RGMA: variants seen among roughly 807,000 people sequenced by gnomAD.
RGMA encodes the protein repulsive guidance molecule A.
A neutral mutation model predicts 23.2 loss-of-function variants in RGMA; 10 were observed. The ratio of observed to expected loss-of-function variants is 0.43; its 90% confidence interval spans 0.27 to 0.73. RGMA has a LOEUF of 0.73. Ranked by LOEUF, RGMA falls within the 30% of genes least tolerant of loss-of-function variation. The pLI, the probability that RGMA is intolerant of heterozygous loss-of-function variation, is 0.20. For synonymous variants in RGMA, 308 were observed against 279.3 expected (o/e 1.10, Z -1.03); for missense variants, 547 against 630.5 (o/e 0.87, Z 1.42).
rs370807777 is a variant in RGMA, at chr15:93,045,172, G to T, written c.1179C>A (p.Ala393=). ...TGACATCCTCCAACGCGTAGTAGGC[G>T]GCCAGTGTGAAGTTCACGTCGCCCG... The part of the protein sequence containing the change: ...LTTGDVNFTL[A]AYYALEDVKM... The change falls in exon 4 of 4, where the codon GCC becomes GCA. Residue 393 remains alanine, a synonymous_variant. Transcript: ENST00000329082. This position sits in a 1 kb window ranked among gnomAD's most constrained non-coding sequence, Gnocchi z 6.9. 1 of 1,608,256 alleles carries T rather than the reference G, an allele frequency of 6.2e-7. No homozygotes were observed. The highest frequency in any genetic ancestry group is 1.3e-5 in the African/African-American group (1 of 74,844).
chr15:93,078,079 G>A (rs966635810), intron 1 of RGMA, among the ~76,000 whole-genome samples: 1 of 152,088 alleles, frequency 6.6e-6, no homozygotes, highest in Non-Finnish European at 1.5e-5. Flanking sequence ...CTTTATTTAG[G>A]CTAAGCCTCC....
chr15:93,048,344 G>A (rs369632958), intron 3 of RGMA, among the ~76,000 whole-genome samples: 5 of 152,110 alleles, frequency 3.3e-5, no homozygotes, highest in South Asian at 4.1e-4. Context: ...GGAGCTGAAC[G>A]AGGGGCAGGC....
rs530067456 is a variant in RGMA at position 93,037,139 on chromosome 15, C to A, written c.*7859G>T. The A allele has an allele frequency of 2.6e-4, 40 of 152,338 alleles. No individual in the cohort carries two copies. The highest frequency in any genetic ancestry group is 9.1e-4 in the African/African-American group (38 of 41,574). 9.4% of individuals were successfully genotyped at this position (152,338 alleles called of 1,614,324 possible). On this transcript the variant is annotated 3_prime_UTR_variant, in exon 4 of 4. Coordinates refer to ENST00000329082, the MANE Select transcript of RGMA (RefSeq NM_020211.3). This position sits in a 1 kb window ranked among gnomAD's most constrained non-coding sequence, Gnocchi z 4.3. The stretch of plus-strand genomic sequence containing the variant: ...ACAGCGGCCAGTTACTAAGAGCACA[C>A]GGTGGGCCGGCCGCCGCGCTGCATG...
At position 93,041,739 on chromosome 15, in the gene RGMA, C is replaced by T. The variant is rs1243093168; in HGVS notation, c.*3259G>A. The T allele has an allele frequency of 6.6e-6, 1 of 152,268 alleles. No individual in the cohort carries two copies. The highest frequency in any genetic ancestry group is 1.5e-5 in the Non-Finnish European group (1 of 68,092). 9.4% of individuals were successfully genotyped at this position (152,268 alleles called of 1,614,324 possible). A position where few individuals can be genotyped will look rare whatever the true frequency, so the allele number is the denominator to read the frequency against. On this transcript the variant is annotated 3_prime_UTR_variant, in exon 4 of 4. Coordinates refer to ENST00000329082, the MANE Select transcript of RGMA (RefSeq NM_020211.3). ...CCTGGGACTGCTAAGGGCACGGGGC[C>T]TGTAGTGACGGTTCCGGCCGCCAGG... is the stretch of plus-strand genomic sequence containing the variant.
chr15:93,074,634 C>G (rs1895439415), intron 1 of RGMA, among the ~76,000 whole-genome samples: 1 of 152,156 alleles, frequency 6.6e-6, no homozygotes, highest in Non-Finnish European at 1.5e-5. Context: ...TCCCCCAAAC[C>G]AGGGTTCATT....
In RGMA at chr15:93,037,203, T is replaced by C. The variant is rs2054670650; in HGVS notation, c.*7795A>G. 1 of 152,078 alleles carries C rather than the reference T, an allele frequency of 6.6e-6. No homozygotes were observed. Among genetic ancestry groups the C allele is most frequent in the Non-Finnish European group, 1.5e-5 (1 of 68,010 alleles). The allele number at this position is 152,078 out of a possible 1,614,324, so 9.4% of individuals were successfully genotyped here. A position where few individuals can be genotyped will look rare whatever the true frequency, so the allele number is the denominator to read the frequency against. On this transcript the variant is annotated 3_prime_UTR_variant, in exon 4 of 4. Coordinates refer to ENST00000329082, the MANE Select transcript of RGMA (RefSeq NM_020211.3). This position sits in a 1 kb window ranked among gnomAD's most constrained non-coding sequence, Gnocchi z 4.3. ...CTTCAGGACCGCCACGTGAGGGAGG[T>C]GGCGTCATTGTTCCCTCACAGCTGA...
intron 2 of RGMA, among the ~76,000 whole-genome samples, chr15:93,065,415 C>CA (rs1895110737): frequency 2.7e-5 from 4 of 149,624 alleles, no homozygotes; most frequent in African/African-American, 9.8e-5. Context: ...AAAAAAAAAG[C>CA]AAAAGGCTGT....
chr15:93,089,142 G>A lies in RGMA; in HGVS notation c.-210C>T. Reference sequence around the variant, plus strand: ...CGCCTGGCGGAGCCGGCCCGGGAGCGAACGGCCAGTGCTTCCCCGGCCCAG... The same window carrying A: ...CGCCTGGCGGAGCCGGCCCGGGAGCAAACGGCCAGTGCTTCCCCGGCCCAG... On this transcript the variant is annotated 5_prime_UTR_variant, in exon 1 of 4. Coordinates refer to ENST00000329082, the MANE Select transcript of RGMA (RefSeq NM_020211.3). 1 of 330,960 alleles carries A rather than the reference G, an allele frequency of 3.0e-6. No individual in the cohort carries two copies. Among genetic ancestry groups the A allele is most frequent in the East Asian group, 4.7e-5 (1 of 21,382 alleles). The allele number at this position is 330,960 out of a possible 1,614,324, so 20.5% of individuals were successfully genotyped here. A position where few individuals can be genotyped will look rare whatever the true frequency, so the allele number is the denominator to read the frequency against.
Position 93,045,583 on chromosome 15 carries a change from G to A in RGMA, c.768C>T (p.Ala256=), listed in dbSNP as rs2054811605. The A allele has an allele frequency of 1.2e-6, 2 of 1,613,194 alleles. No individual in the cohort carries two copies. The highest frequency in any genetic ancestry group is 2.7e-5 in the African/African-American group (2 of 74,902). ...GSKNGGDKHG[A]NSLKITEKVS... ...CCTTCTCAGTGATCTTCAGGCTGTT[G>A]GCCCCGTGCTTGTCCCCACCGTTCT... is the stretch of plus-strand genomic sequence containing the variant. The change falls in exon 4 of 4, where the codon GCC becomes GCT. Residue 256 remains alanine, a synonymous_variant. Coordinates refer to ENST00000329082, the MANE Select transcript of RGMA (RefSeq NM_020211.3). This position sits in a 1 kb window ranked among gnomAD's most constrained non-coding sequence, Gnocchi z 6.9.
rs572352826 is a variant in RGMA at position 93,060,835 on chromosome 15, C to A, written c.131-8328G>T. 2.0e-5 allele frequency among the ~76,000 whole-genome samples: 3 copies of A among 152,364 alleles called. No individual in the cohort carries two copies. In the South Asian group the frequency reaches 6.2e-4, roughly 32 times the overall value. ...CTGGCCCCTCCTGCTCTGGACAGCT[C>A]CAGCTGTGGATGCACTGCGGCATCC... On this transcript the variant is annotated intron_variant, in intron 2 of 3. Transcript: ENST00000329082.
At chr15:93,063,260 G>A (rs372543057) in intron 2 of RGMA, among the ~76,000 whole-genome samples, 2 of 152,234 alleles carry the variant, frequency 1.3e-5, no homozygotes, top group South Asian at 2.1e-4. Context: ...ATGCTGAGAT[G>A]CCCTCCTTAG....
intron 1 of RGMA, among the ~76,000 whole-genome samples, chr15:93,080,029 A>G (rs1164941451): frequency 2.0e-5 from 3 of 151,956 alleles, no homozygotes; most frequent in African/African-American, 7.3e-5. Flanking sequence ...ACCACCAGAG[A>G]CTCTTATTCT....
intron 1 of RGMA, chr15:93,073,684 C>T: frequency 6.5e-7 from 1 of 1,537,240 alleles, no homozygotes; most frequent in Non-Finnish European, 8.7e-7. Context: ...TAGGTCTGGG[C>T]AGGATGGCTC....
intron 1 of RGMA, chr15:93,088,220 G>A (rs1220538914): frequency 3.4e-6 from 3 of 870,350 alleles, no homozygotes; most frequent in Non-Finnish European, 4.1e-6. Flanking sequence ...AATTGCACCC[G>A]AGCGTCCCCC....
In RGMA at chr15:93,045,280, G is replaced by A. The variant is rs372399863; in HGVS notation, c.1071C>T (p.Tyr357=). 1.5e-5 allele frequency: 24 copies of A among 1,612,968 alleles called. No individual in the cohort carries two copies. The highest frequency in any genetic ancestry group is 6.7e-5 in the Admixed American group (4 of 59,976). ...PAPTAPETFP[Y]ETAVAKCKEK... is the part of the protein sequence containing the mutation. ...CCTTGCACTTGGCCACGGCTGTCTC[G>A]TATGGGAAGGTCTCGGGGGCTGTGG... The change falls in exon 4 of 4, where the codon TAC becomes TAT. Residue 357 remains tyrosine, a synonymous_variant. Coordinates refer to ENST00000329082, the MANE Select transcript of RGMA (RefSeq NM_020211.3). The surrounding 1 kb of genome is among the most constrained non-coding windows in gnomAD (Gnocchi z 6.9).
intron 2 of RGMA, among the ~76,000 whole-genome samples, chr15:93,060,431 A>G (rs777171039): frequency 6.6e-6 from 1 of 152,228 alleles, no homozygotes; most frequent in South Asian, 2.1e-4. Flanking sequence ...TCCAGATCCA[A>G]CAACAGAAAT....
At chr15:93,082,336 G>A (rs1895571659) in intron 1 of RGMA, among the ~76,000 whole-genome samples, 1 of 152,204 alleles carries the variant, frequency 6.6e-6, no homozygotes, top group South Asian at 2.1e-4. Flanking sequence ...TATACTTGAG[G>A]CCTGATGGGC....
chr15:93,065,638 A>G lies in RGMA; in HGVS notation c.130+7278T>C. ...CACTGTTGATAGGGGCTGAGGTCTC[A>G]GGGGCTGCGGGCTGCCGGGGGCCGG... On this transcript the variant is annotated intron_variant, in intron 2 of 3. Coordinates refer to ENST00000329082, the MANE Select transcript of RGMA (RefSeq NM_020211.3). 5 of 915,916 alleles carry G rather than the reference A, an allele frequency of 5.5e-6. No individual in the cohort carries two copies. In the Admixed American group the frequency reaches 7.2e-5, roughly 13 times the overall value. The allele number at this position is 915,916 out of a possible 1,614,324, so 56.7% of individuals were successfully genotyped here. A position where few individuals can be genotyped will look rare whatever the true frequency, so the allele number is the denominator to read the frequency against.
At chr15:93,067,310 C>A (rs909722492) in intron 2 of RGMA, among the ~76,000 whole-genome samples, 3 of 152,104 alleles carry the variant, frequency 2.0e-5, no homozygotes, top group Non-Finnish European at 4.4e-5. Flanking sequence ...GGTCTTTGCC[C>A]ATTGAGCAAA....
Sources: allele counts gnomAD v4.1 joint callset (sites outside exome capture counted in the v4.1 genomes callset), GRCh38; gene constraint gnomAD v4.1.1; non-coding constraint Gnocchi (gnomAD v3.1); transcripts MANE v1.5; gene names NCBI Gene and HGNC (gene_info 2026-07-23, HGNC 2026-07-21).